The following MKRN1 variants were observed in gnomAD, a reference collection of about 807,000 sequenced individuals.
The protein encoded by MKRN1 is E3 ubiquitin-protein ligase makorin-1.
A neutral mutation model predicts 55.5 loss-of-function variants in MKRN1; 9 were observed. The observed-to-expected ratio is 0.16, with a 90% CI of 0.10 to 0.28. The LOEUF is 0.28. Ranked by LOEUF, MKRN1 falls within the 10% of genes least tolerant of loss-of-function variation. The pLI, the probability that MKRN1 is intolerant of heterozygous loss-of-function variation, is 1.00. For synonymous variants in MKRN1, 253 were observed against 235.9 expected (o/e 1.07, Z -0.66); for missense variants, 488 against 626.7 (o/e 0.78, Z 2.36).
At chr7:140,463,747 T>A (rs562436610) in intron 2 of MKRN1, among the ~76,000 whole-genome samples, 1 of 151,818 alleles carries the variant, frequency 6.6e-6, no homozygotes, top group Non-Finnish European at 1.5e-5. Flanking sequence ...TAGCCGGGCG[T>A]GGTGGCAGGC....
chr7:140,463,973 C>T (rs1019291149), intron 2 of MKRN1, among the ~76,000 whole-genome samples: 1 of 152,100 alleles, frequency 6.6e-6, no homozygotes, highest in Non-Finnish European at 1.5e-5. Flanking sequence ...CTCACTCTGT[C>T]ACCTGGCTAG....
intron 4 of MKRN1, among the ~76,000 whole-genome samples, chr7:140,458,466 C>T (rs921421128): frequency 3.9e-5 from 6 of 152,158 alleles, no homozygotes; most frequent in Admixed American, 1.3e-4. Context: ...AATCCAGAGA[C>T]AAAGCAGATT....
At chr7:140,469,740 C>G (rs7801933) in intron 2 of MKRN1, among the ~76,000 whole-genome samples, 4,051 of 152,024 alleles carry the variant, frequency 0.027, 179 homozygotes, top group African/African-American at 0.092. Context: ...TAGTGAAACC[C>G]CGTCTCTACT....
intron 5 of MKRN1, 67 bp from the exon 6 acceptor site, chr7:140,455,967 C>T: frequency 1.4e-6 from 2 of 1,384,700 alleles, no homozygotes; most frequent in Non-Finnish European, 2.1e-6. Flanking sequence ...AAGGACACAC[C>T]CTGGTGTGTC....
rs141516487 is a variant in MKRN1 at position 140,454,586 on chromosome 7, T to C, written c.1380A>G (p.Leu460=). Residue 460 remains leucine, a synonymous_variant, in exon 8 of 8, where the codon CTA becomes CTG. Transcript: ENST00000255977. Reference sequence around the variant, plus strand: ...AGTCCCACTCATCTTCAGAGTCTGTTAGTTCGTCGTCCCCACCTGCAGCCA... The same window carrying C: ...AGTCCCACTCATCTTCAGAGTCTGTCAGTTCGTCGTCCCCACCTGCAGCCA... ...MLLAAGGDDE[L]TDSEDEWDLF... The C allele has an allele frequency of 6.2e-6, 10 of 1,613,682 alleles. No homozygotes were observed. The African/African-American group carries it at 9.3e-5, about 15-fold the overall frequency.
At chr7:140,470,356 G>T (rs187136926) in intron 2 of MKRN1, among the ~76,000 whole-genome samples, 2 of 152,096 alleles carry the variant, frequency 1.3e-5, no homozygotes, top group South Asian at 2.1e-4. Context: ...AAGCCGAACC[G>T]CGTGGATCAC....
At chr7:140,472,747 G>A (rs577574654) in intron 1 of MKRN1, among the ~76,000 whole-genome samples, 9 of 143,660 alleles carry the variant, frequency 6.3e-5, no homozygotes, top group African/African-American at 1.2e-4. Context: ...GATGGAGCAC[G>A]ACTATGACTC....
In MKRN1 at chr7:140,453,845, G is replaced by A. The variant is rs1464907536; in HGVS notation, c.*672C>T. 6.4e-6 allele frequency: 1 copy of A among 156,030 alleles called. No homozygotes were observed. Among genetic ancestry groups the A allele is most frequent in the African/African-American group, 2.4e-5 (1 of 41,438 alleles). The allele number at this position is 156,030 out of a possible 1,614,324, so 9.7% of individuals were successfully genotyped here. A position where few individuals can be genotyped will look rare whatever the true frequency, so the allele number is the denominator to read the frequency against. Reference sequence around the variant, plus strand: ...GGGAGCCAACTTCCAACTCTGCATTGATGTTATGCCTCTCTATCTTTTATA... The same window carrying A: ...GGGAGCCAACTTCCAACTCTGCATTAATGTTATGCCTCTCTATCTTTTATA... On this transcript the variant is annotated 3_prime_UTR_variant, in exon 8 of 8. Transcript: ENST00000255977.
chr7:140,468,382 T>G (rs188704676), intron 2 of MKRN1, among the ~76,000 whole-genome samples: 19 of 152,036 alleles, frequency 1.2e-4, no homozygotes, highest in African/African-American at 3.9e-4. Context: ...GACTCTGCCT[T>G]TTATATTGGG....
chr7:140,466,810 C>CAAAAAAAAAAAAAAA (rs563645827), intron 2 of MKRN1, among the ~76,000 whole-genome samples: 1 of 87,190 alleles, frequency 1.1e-5, no homozygotes, highest in Non-Finnish European at 2.1e-5. Flanking sequence ...GACTCCGTCT[C>CAAAAAAAAAAAAAAA]AAAAAAAAAA....
intron 2 of MKRN1, among the ~76,000 whole-genome samples, chr7:140,463,969 C>T (rs995953733): frequency 2.6e-5 from 4 of 152,118 alleles, no homozygotes; most frequent in African/African-American, 9.7e-5. Flanking sequence ...CAGTCTCACT[C>T]TGTCACCTGG....
chr7:140,465,605 C>T (rs901601200), intron 2 of MKRN1, among the ~76,000 whole-genome samples: 2 of 152,082 alleles, frequency 1.3e-5, no homozygotes, highest in Admixed American at 1.3e-4. Flanking sequence ...AAAACAGTCC[C>T]GAGCAACAAA....
Position 140,475,707 on chromosome 7 carries a change from T to C in MKRN1, c.185+3453A>G, listed in dbSNP as rs192214932. Among the ~76,000 whole-genome samples, 455 of 152,264 alleles carry C rather than the reference T, an allele frequency of 3.0e-3. 2 individuals are homozygous for C. The highest frequency in any genetic ancestry group is 0.01 in the African/African-American group (420 of 41,568). On this transcript the variant is annotated intron_variant, in intron 1 of 7. Coordinates refer to ENST00000255977, the MANE Select transcript of MKRN1 (RefSeq NM_013446.4). ...CAAATAAAAATCAAGAAAAGAGTTT[T>C]TTGAAAAATTAAAAATTAAACACTT...
At position 140,469,669 on chromosome 7, in the gene MKRN1, T is replaced by C. The variant is rs1794866240; in HGVS notation, c.314+2214A>G. Among the ~76,000 whole-genome samples the C allele has an allele frequency of 2.6e-5, 4 of 152,272 alleles. No homozygotes were observed. The South Asian group carries it at 8.3e-4, about 32-fold the overall frequency. ...GGCTCACGCCTGTAATCCCAGCGCT[T>C]TGGGAGGCAAAGGCAGGTGGACTGC... On this transcript the variant is annotated intron_variant, in intron 2 of 7. Coordinates refer to ENST00000255977, the MANE Select transcript of MKRN1 (RefSeq NM_013446.4).
At chr7:140,468,546 C>T (rs947478899) in intron 2 of MKRN1, among the ~76,000 whole-genome samples, 2 of 151,324 alleles carry the variant, frequency 1.3e-5, no homozygotes, top group African/African-American at 4.9e-5. Context: ...ACTAAAAATG[C>T]AAAAATTAGC....
In MKRN1 at chr7:140,479,150, A is replaced by G. The variant is rs1239096774; in HGVS notation, c.185+10T>C. 30 of 1,338,382 alleles carry G rather than the reference A, an allele frequency of 2.2e-5. No individual in the cohort carries two copies. Among genetic ancestry groups the G allele is most frequent in the Non-Finnish European group, 2.8e-5 (29 of 1,045,702 alleles). The allele number at this position is 1,338,382 out of a possible 1,614,324, so 82.9% of individuals were successfully genotyped here. A position where few individuals can be genotyped will look rare whatever the true frequency, so the allele number is the denominator to read the frequency against. On this transcript the variant is annotated intron_variant, in intron 1 of 7. Coordinates refer to ENST00000255977, the MANE Select transcript of MKRN1 (RefSeq NM_013446.4). ...CCCCGCGCCCGGCGCTCCGCCGCGC[A>G]ACGTCCTACCTGCAGGTGACCTGTT... is the stretch of plus-strand genomic sequence containing the variant.
At chr7:140,466,306 C>T (rs936689170) in intron 2 of MKRN1, among the ~76,000 whole-genome samples, 2 of 152,170 alleles carry the variant, frequency 1.3e-5, no homozygotes, top group African/African-American at 2.4e-5. Flanking sequence ...GATCTAAACC[C>T]AGCTCAATTC....
chr7:140,456,870 G>A lies in MKRN1; in HGVS notation c.772-4C>T, dbSNP rs935264675. ...TCTCATGGGCCTCAATGCACGACTAGAGAAGGTGGAGAGAGAACAAGTGGA... is the reference window on the plus strand; with the variant it reads ...TCTCATGGGCCTCAATGCACGACTAAAGAAGGTGGAGAGAGAACAAGTGGA... On this transcript the variant is annotated splice_region_variant and splice_polypyrimidine_tract_variant and intron_variant, in intron 4 of 7. Coordinates refer to ENST00000255977, the MANE Select transcript of MKRN1 (RefSeq NM_013446.4). The A allele has an allele frequency of 2.1e-5, 34 of 1,612,768 alleles. 1 individual carries two copies. Among genetic ancestry groups the A allele is most frequent in the South Asian group, 7.7e-5 (7 of 90,892 alleles).
chr7:140,456,800 C>A lies in MKRN1; in HGVS notation c.838G>T (p.Val280Leu). The change falls in exon 5 of 8, where the codon GTG becomes TTG. Residue 280 changes from valine (V) to leucine (L), a missense_variant. Around this residue, in one of 2 missense-constraint regions of MKRN1, gnomAD observed 278 missense variants for 406.7 expected, o/e 0.68. Transcript: ENST00000255977. ...ACCACCTCCATGCAGATCCCACACA[C>A]CATGTCCTTGCTGCGCTGCACGGCA... ...SFAVQRSKDMVCGICMEVVYE... is the reference protein window; with the variant it reads ...SFAVQRSKDMLCGICMEVVYE... 6.2e-7 allele frequency: 1 copy of A among 1,614,018 alleles called. No individual in the cohort carries two copies. The highest frequency in any genetic ancestry group is 2.2e-5 in the East Asian group (1 of 44,886).
Sources: allele counts gnomAD v4.1 joint callset (sites outside exome capture counted in the v4.1 genomes callset), GRCh38; gene constraint gnomAD v4.1.1; regional missense constraint gnomAD v4.1.1; transcripts MANE v1.5; gene names NCBI Gene and HGNC (gene_info 2026-07-23, HGNC 2026-07-21).